POLN: variants seen among roughly 807,000 people sequenced by gnomAD.
POLN encodes the protein DNA polymerase nu.
In POLN, 108 loss-of-function variants were observed where a neutral mutation model predicts 113.5. The ratio of observed to expected loss-of-function variants is 0.95; its 90% confidence interval spans 0.81 to 1.12. The LOEUF is 1.12. Among genes scored for constraint, POLN ranks in the 50% most tolerant of loss-of-function variants. The pLI is 0.00. For synonymous variants in POLN, 386 were observed against 391.5 expected, an observed-to-expected ratio of 0.99 and a Z score of 0.17; for missense variants, 1,097 against 1,077.1, an observed-to-expected ratio of 1.02 and a Z score of -0.26.
Position 2,082,219 on chromosome 4 carries a change from C to A in POLN, c.2198-476G>T, listed in dbSNP as rs183313860. Among the ~76,000 whole-genome samples the A allele has an allele frequency of 2.4e-3, 362 of 152,140 alleles. 2 individuals carry two copies. Among genetic ancestry groups the A allele is most frequent in the African/African-American group, 8.3e-3 (346 of 41,494 alleles). ...GATCCACCCGCCTTGGCCTCCAAAG[C>A]GCTGGTATTACAGTGGGGAGCCACT... On this transcript the variant is annotated intron_variant, in intron 21 of 25. Coordinates refer to ENST00000511885, the MANE Select transcript of POLN (RefSeq NM_181808.4).
intron 19 of POLN, among the ~76,000 whole-genome samples, chr4:2,114,548 G>C (rs1731272704): frequency 6.6e-6 from 1 of 152,168 alleles, no homozygotes; most frequent in African/African-American, 2.4e-5. Context: ...AGCACTTGAA[G>C]GAAGTTATTC....
intron 19 of POLN, among the ~76,000 whole-genome samples, chr4:2,099,679 T>C (rs1054516466): frequency 6.6e-6 from 1 of 152,184 alleles, no homozygotes; most frequent in African/African-American, 2.4e-5. Flanking sequence ...GTGTGGACTT[T>C]AGTTTATAAT....
chr4:2,221,827 A>G (rs1734260141), intron 3 of POLN, among the ~76,000 whole-genome samples: 1 of 152,128 alleles, frequency 6.6e-6, no homozygotes, highest in Non-Finnish European at 1.5e-5. Flanking sequence ...CACCCGCCTC[A>G]GCCTCCCAAA....
chr4:2,152,489 A>T (rs1169405918), intron 16 of POLN, among the ~76,000 whole-genome samples: 1 of 151,426 alleles, frequency 6.6e-6, no homozygotes, highest in African/African-American at 2.4e-5. Context: ...TGCTCAGCTA[A>T]TTTAAAGCAT....
chr4:2,202,183 A>G (rs1342969574), intron 5 of POLN, among the ~76,000 whole-genome samples: 1 of 152,214 alleles, frequency 6.6e-6, no homozygotes, highest in Non-Finnish European at 1.5e-5. Context: ...ATGGAATGGT[A>G]CCTCACATCT....
chr4:2,101,043 T>C (rs909345960), intron 19 of POLN, among the ~76,000 whole-genome samples: 1 of 152,154 alleles, frequency 6.6e-6, no homozygotes, highest in Non-Finnish European at 1.5e-5. Flanking sequence ...GCCCCATGCA[T>C]TGACCTGGGA....
intron 13 of POLN, among the ~76,000 whole-genome samples, chr4:2,165,486 G>T (rs1454803514): frequency 6.6e-6 from 1 of 152,206 alleles, no homozygotes; most frequent in Non-Finnish European, 1.5e-5. Context: ...GTATGATGCT[G>T]TAATGGTAGA....
At chr4:2,131,741 C>T (rs1731732780) in intron 16 of POLN, among the ~76,000 whole-genome samples, 1 of 152,178 alleles carries the variant, frequency 6.6e-6, no homozygotes, top group South Asian at 2.1e-4. Flanking sequence ...TCGTACCTGC[C>T]TCTGTCTTAG....
At chr4:2,143,344 A>G (rs1034604862) in intron 16 of POLN, among the ~76,000 whole-genome samples, 7 of 152,222 alleles carry the variant, frequency 4.6e-5, no homozygotes, top group Non-Finnish European at 8.8e-5. Flanking sequence ...CAAATTATGA[A>G]TATCAGAAAT....
chr4:2,113,313 C>T (rs1731242297), intron 19 of POLN, among the ~76,000 whole-genome samples: 1 of 150,884 alleles, frequency 6.6e-6, no homozygotes, highest in Non-Finnish European at 1.5e-5. Flanking sequence ...GTGCAGCACA[C>T]CAACATGGCA....
chr4:2,113,857 C>T lies in POLN; in HGVS notation c.1982+14256G>A, dbSNP rs1731255201. ...TGGGTGACAGAGCAAGACTCCATTT[C>T]AAAATAATAATAATAATAATAATAA... On this transcript the variant is annotated intron_variant, in intron 19 of 25. Transcript: ENST00000511885. Among the ~76,000 whole-genome samples, 3 of 132,608 alleles carry T rather than the reference C, an allele frequency of 2.3e-5. No homozygotes were observed. In the Admixed American group the frequency reaches 2.3e-4, roughly 10 times the overall value. The allele number at this position is 132,608 out of a possible 152,430, so 87.0% of individuals were successfully genotyped here. A position where few individuals can be genotyped will look rare whatever the true frequency, so the allele number is the denominator to read the frequency against.
chr4:2,136,617 T>C (rs932949555), intron 16 of POLN, among the ~76,000 whole-genome samples: 12 of 152,234 alleles, frequency 7.9e-5, no homozygotes, highest in African/African-American at 2.9e-4. Flanking sequence ...AATGTGGCAT[T>C]TGTTAAAATC....
At chr4:2,075,322 G>A (rs1413552179) in intron 24 of POLN, 130 bp downstream of exon 24, 6 of 1,003,216 alleles carry the variant, frequency 6.0e-6, no homozygotes, top group Non-Finnish European at 8.8e-6. Context: ...TGACACAGCA[G>A]CAATGAGGTG....
intron 16 of POLN, 114 bp from the exon 17 acceptor site, chr4:2,131,404 A>G (rs1478114395): frequency 1.6e-5 from 11 of 685,120 alleles, no homozygotes; most frequent in Non-Finnish European, 2.4e-5. Context: ...AAGCCAATGT[A>G]ACATGCATAA....
intron 6 of POLN, among the ~76,000 whole-genome samples, chr4:2,194,211 A>G (rs1051395369): frequency 2.0e-5 from 3 of 152,194 alleles, no homozygotes; most frequent in Non-Finnish European, 4.4e-5. Flanking sequence ...ATCTGAGACC[A>G]TATCTTCCTG....
At chr4:2,184,931 A>G (rs1733233809) in intron 7 of POLN, among the ~76,000 whole-genome samples, 1 of 152,224 alleles carries the variant, frequency 6.6e-6, no homozygotes, top group Non-Finnish European at 1.5e-5. Context: ...ATTCTATGAA[A>G]CAATTCATTA....
At chr4:2,168,468 G>T (rs940933170) in intron 13 of POLN, among the ~76,000 whole-genome samples, 3 of 152,264 alleles carry the variant, frequency 2.0e-5, no homozygotes, top group Admixed American at 6.5e-5. Context: ...AAATCAAAGA[G>T]TGAGGCTAAT....
chr4:2,095,712 G>A (rs968863479), intron 20 of POLN, 139 bp downstream of exon 20: 23 of 757,744 alleles, frequency 3.0e-5, no homozygotes, highest in African/African-American at 5.1e-5. Context: ...AGTGTCTGGT[G>A]ACTGCAGGTG....
chr4:2,106,099 T>C (rs1178427792), intron 19 of POLN, among the ~76,000 whole-genome samples: 16 of 152,076 alleles, frequency 1.1e-4, no homozygotes. Context: ...ACATTTATAA[T>C]GCTAGCTAAT....
Sources: gnomAD v4.1 joint callset for allele counts (sites outside exome capture counted in the v4.1 genomes callset) on GRCh38, gnomAD v4.1.1 for gene constraint, MANE v1.5 for transcripts, NCBI Gene and HGNC (gene_info 2026-07-23, HGNC 2026-07-21) for gene names.